The following IQCN variants were observed in gnomAD, a reference collection of about 807,000 sequenced individuals.
IQCN encodes IQ motif containing N, also known as IQ domain-containing protein N.
IQCN carries 46 observed loss-of-function variants against 64.4 expected under a neutral mutation model. That is an observed-to-expected ratio of 0.71 (90% CI 0.56 to 0.91). The LOEUF is 0.91. Ranked by LOEUF, IQCN falls within the 40% of genes least tolerant of loss-of-function variation. The probability of loss-of-function intolerance (pLI) is 0.00; values close to 1 mark genes in which losing one functional copy is unlikely to be tolerated. For missense variants in IQCN, 1,753 were observed against 1,857.4 expected (o/e 0.94, Z 1.03); for synonymous variants, 733 against 775.6 (o/e 0.95, Z 0.91).
At position 18,266,815 on chromosome 19, in the gene IQCN, G is replaced by C. The variant is rs138854310; in HGVS notation, c.725C>G (p.Thr242Arg). The C allele has an allele frequency of 4.3e-6, 7 of 1,614,048 alleles. No homozygotes were observed. The South Asian group carries it at 6.6e-5, about 15-fold the overall frequency. Reference protein sequence around the residue: ...VRGLAFLPHQTVTIRFPCPVS... With the variant: ...VRGLAFLPHQRVTIRFPCPVS... ...TGGGCAGGGAAATCTGATGGTGACC[G>C]TCTGGTGTGGCAGGAAGGCCAGCCC... is the stretch of plus-strand genomic sequence containing the variant. The change falls in exon 3 of 4, where the codon ACG becomes AGG. Residue 242 changes from threonine to arginine, a missense_variant. Physicochemically the swap from Thr to Arg is moderately conservative, Grantham distance 71. Transcript: ENST00000392413. The surrounding 1 kb of genome is among the most constrained non-coding windows in gnomAD (Gnocchi z 4.3).
chr19:18,267,718 C>T (rs550966978), intron 2 of IQCN, 192 bp from the exon 3 acceptor site: 11 of 533,652 alleles, frequency 2.1e-5, no homozygotes, highest in Admixed American at 1.5e-4. Flanking sequence ...CATCACCCTA[C>T]GGCCACTTCA....
chr19:18,263,775 T>C (rs1300676495), intron 3 of IQCN, among the ~76,000 whole-genome samples: 1 of 152,020 alleles, frequency 6.6e-6, no homozygotes, highest in Non-Finnish European at 1.5e-5. Flanking sequence ...ACAGGTGAGG[T>C]AAGGCTGGTG....
At position 18,267,392 on chromosome 19, in the gene IQCN, C is replaced by T. The variant is rs1290889527; in HGVS notation, c.148G>A (p.Ala50Thr). 1.2e-6 allele frequency: 2 copies of T among 1,601,332 alleles called. No individual in the cohort carries two copies. Among genetic ancestry groups the T allele is most frequent in the Admixed American group, 3.4e-5 (2 of 57,996 alleles). ...CCCTCGTGCTGGGGCTGTGGAGGCG[C>T]TTTCTCCATTTTGTCCAGGAGACTG... ...HPSLLDKMEK[A>T]PPQPQHEGLK... Residue 50 changes from alanine (A) to threonine (T), a missense_variant, in exon 3 of 4, where the codon GCG becomes ACG. Physicochemically the swap from Ala to Thr is moderately conservative, Grantham distance 58. Transcript: ENST00000392413.
chr19:18,258,347 G>A (rs1010047537), intron 3 of IQCN: 15 of 694,476 alleles, frequency 2.2e-5, no homozygotes, highest in Middle Eastern at 2.3e-4. Flanking sequence ...GCCTGTGGGT[G>A]GGGTTTGCAC....
Position 18,257,675 on chromosome 19 carries a change from G to C in IQCN, c.3609C>G (p.Asp1203Glu). The change falls in exon 4 of 4, where the codon GAC (aspartate) becomes GAG (glutamate). Residue 1203 changes from aspartate (D) to glutamate (E), a missense_variant. Transcript: ENST00000392413. The part of the protein sequence containing the change: ...ELGSRAGVMS[D>E]RSWFQDGRAR... ...CTCTGCCATCCTGGAACCAGCTTCG[G>C]TCAGACATGACCCCGGCCCGGCTGC... 2 of 1,607,548 alleles carry C rather than the reference G, an allele frequency of 1.2e-6. No individual in the cohort carries two copies. Among genetic ancestry groups the C allele is most frequent in the Non-Finnish European group, 1.7e-6 (2 of 1,176,346 alleles).
chr19:18,262,979 T>C (rs1198641466), intron 3 of IQCN, among the ~76,000 whole-genome samples: 1 of 152,194 alleles, frequency 6.6e-6, no homozygotes, highest in Non-Finnish European at 1.5e-5. Context: ...TCTCAGCCTC[T>C]GAGCCCCAGT....
In IQCN at chr19:18,265,938, C is replaced by T; in HGVS notation, c.1602G>A (p.Val534=). ...TGTTGGGAGTTCCGGCTGCTACCGC[C>T]ACTTGGGGTGGAGCCTTGACATTTG... ...TVANVKAPPQ[V]AVAAGTPNTS... is the part of the protein sequence containing the mutation. The change falls in exon 3 of 4, where the codon GTG becomes GTA. Residue 534 remains valine, a synonymous_variant. Coordinates refer to ENST00000392413, the MANE Select transcript of IQCN (RefSeq NM_001145304.2). This position sits in a 1 kb window ranked among gnomAD's most constrained non-coding sequence, Gnocchi z 4.7. The T allele has an allele frequency of 1.2e-6, 2 of 1,614,194 alleles. No homozygotes were observed. Among genetic ancestry groups the T allele is most frequent in the Non-Finnish European group, 1.7e-6 (2 of 1,180,046 alleles).
In IQCN at chr19:18,266,262, C is replaced by A; in HGVS notation, c.1278G>T (p.Lys426Asn). ...CCAGAAGGGAAACCTGAGGTCGGTT[C>A]TTTGCCGTGATGGTCGCAGGGCATG... ...RQTCPATITA[K>N]NRPQVSLLAS... is the part of the protein sequence containing the mutation. The change falls in exon 3 of 4, where the codon AAG becomes AAT. Residue 426 changes from lysine (K) to asparagine (N), a missense_variant. Physicochemically the swap from Lys to Asn is moderately conservative, Grantham distance 94 (BLOSUM62 0). Transcript: ENST00000392413. The surrounding 1 kb of genome is among the most constrained non-coding windows in gnomAD (Gnocchi z 4.3). The A allele has an allele frequency of 6.2e-7, 1 of 1,613,648 alleles. No individual in the cohort carries two copies. Among genetic ancestry groups the A allele is most frequent in the Non-Finnish European group, 8.5e-7 (1 of 1,179,780 alleles).
chr19:18,264,240 G>T lies in IQCN; in HGVS notation c.3177+123C>A, dbSNP rs1263277845. 1 of 856,960 alleles carries T rather than the reference G, an allele frequency of 1.2e-6. No individual in the cohort carries two copies. The highest frequency in any genetic ancestry group is 2.7e-5 in the East Asian group (1 of 37,204). 53.1% of individuals were successfully genotyped at this position (856,960 alleles called of 1,614,324 possible). ...GCTACCCATCACCGAGGCTCCCACA[G>T]TGACCACAGATAAGCAGGGTGACCC... On this transcript the variant is annotated intron_variant, in intron 3 of 3. Coordinates refer to ENST00000392413, the MANE Select transcript of IQCN (RefSeq NM_001145304.2). This position sits in a 1 kb window ranked among gnomAD's most constrained non-coding sequence, Gnocchi z 4.3.
rs761623082 is a variant in IQCN, at chr19:18,265,852, G to A, written c.1688C>T (p.Ala563Val). The A allele has an allele frequency of 3.7e-6, 6 of 1,614,080 alleles. No homozygotes were observed. In the African/African-American group the frequency reaches 5.3e-5, roughly 14 times the overall value. ...KAKATVNVKQ[A>V]AKVVKASSPS... ...GGATGAGGCTTTCACCACCTTTGCA[G>A]CCTGCTTCACATTCACGGTGGCCTT... The change falls in exon 3 of 4, where the codon GCT becomes GTT. Residue 563 changes from alanine to valine, a missense_variant. Coordinates refer to ENST00000392413, the MANE Select transcript of IQCN (RefSeq NM_001145304.2). This position sits in a 1 kb window ranked among gnomAD's most constrained non-coding sequence, Gnocchi z 4.7.
chr19:18,257,938 C>A lies in IQCN; in HGVS notation c.3346G>T (p.Ala1116Ser). ...ACGCCCGCCTGGATAGTGATCACTG[C>A]GAGGATGCGGATCTCCTCTGCAGCC... Reference protein sequence around the residue: ...MQAAEEIRILAVITIQAGVRG... With the variant: ...MQAAEEIRILSVITIQAGVRG... The change falls in exon 4 of 4, where the codon GCA becomes TCA. Residue 1116 changes from alanine to serine, a missense_variant. Coordinates refer to ENST00000392413, the MANE Select transcript of IQCN (RefSeq NM_001145304.2). The A allele has an allele frequency of 6.2e-7, 1 of 1,612,864 alleles. No homozygotes were observed. The highest frequency in any genetic ancestry group is 8.5e-7 in the Non-Finnish European group (1 of 1,179,942).
rs774906832 is a variant in IQCN, at chr19:18,265,716, A to G, written c.1824T>C (p.Thr608=). 1.5e-5 allele frequency: 25 copies of G among 1,614,158 alleles called. No homozygotes were observed. The highest frequency in any genetic ancestry group is 2.1e-5 in the Non-Finnish European group (25 of 1,180,020). ...CTGTTTTCGCCTGTTTCTGGGTGCC[A>G]GTCTTGATTTTCTCGGCTTCCAAAG... ...ELPLEAEKIK[T]GTQKQAKTDM... The change falls in exon 3 of 4, where the codon ACT becomes ACC. Residue 608 remains threonine (T), a synonymous_variant. Coordinates refer to ENST00000392413, the MANE Select transcript of IQCN (RefSeq NM_001145304.2). The surrounding 1 kb of genome is among the most constrained non-coding windows in gnomAD (Gnocchi z 4.7).
chr19:18,260,366 C>T (rs937704183), intron 3 of IQCN: 1 of 152,566 alleles, frequency 6.6e-6, no homozygotes, highest in East Asian at 1.9e-4. Flanking sequence ...CTGAAACAAA[C>T]GCTGATGGGT....
rs138028745 is a variant in IQCN at position 18,257,356 on chromosome 19, C to T, written c.3928G>A (p.Ala1310Thr). The change falls in exon 4 of 4, where the codon GCC becomes ACC. Residue 1310 changes from alanine (A) to threonine (T), a missense_variant. Physicochemically the swap from Ala to Thr is moderately conservative, Grantham distance 58. Transcript: ENST00000392413. ...TGGCGGATCTTAAAGCCCCTCCAGGCGGACTGGATGGCTGTGGCCGCTTTG... is the reference window on the plus strand; with the variant it reads ...TGGCGGATCTTAAAGCCCCTCCAGGTGGACTGGATGGCTGTGGCCGCTTTG... ...QDKAATAIQS[A>T]WRGFKIRQQM... The T allele has an allele frequency of 8.1e-6, 13 of 1,612,366 alleles. No individual in the cohort carries two copies. Among genetic ancestry groups the T allele is most frequent in the Middle Eastern group, 1.6e-4 (1 of 6,080 alleles).
intron 1 of IQCN, among the ~76,000 whole-genome samples, chr19:18,273,351 CTT>C (rs769233334): frequency 2.1e-5 from 3 of 146,140 alleles, no homozygotes; most frequent in Non-Finnish European, 3.0e-5. Flanking sequence ...TTATTATTCT[CTT>C]TGAGACGGAA....
At chr19:18,263,884 CAT>C (rs936424066) in intron 3 of IQCN, among the ~76,000 whole-genome samples, 76 of 152,324 alleles carry the variant, frequency 5.0e-4, no homozygotes, top group African/African-American at 1.8e-3. Context: ...CTGCTGACCA[CAT>C]GTGGCCTGTG....
intron 3 of IQCN, chr19:18,259,877 T>C (rs766137377): frequency 1.3e-5 from 2 of 152,316 alleles, no homozygotes; most frequent in African/African-American, 4.8e-5. Context: ...AAGGGCCACC[T>C]GCCTCTAAGA....
rs1969690346 is a variant in IQCN at position 18,269,566 on chromosome 19, T to G, written c.-88A>C. 3 of 1,390,950 alleles carry G rather than the reference T, an allele frequency of 2.2e-6. No individual in the cohort carries two copies. The African/African-American group carries it at 4.3e-5, about 20-fold the overall frequency. 86.2% of individuals were successfully genotyped at this position (1,390,950 alleles called of 1,614,324 possible). ...AGCCTTCAGCCTTTCATCCATGCAA[T>G]ATGCAGCAACACTGCCCTGGGCTGG... On this transcript the variant is annotated 5_prime_UTR_variant, in exon 2 of 4. Coordinates refer to ENST00000392413, the MANE Select transcript of IQCN (RefSeq NM_001145304.2).
At position 18,257,742 on chromosome 19, in the gene IQCN, C is replaced by A; in HGVS notation, c.3542G>T (p.Arg1181Leu). The change falls in exon 4 of 4, where the codon CGG becomes CTG. Residue 1181 changes from arginine (R) to leucine (L), a missense_variant. Coordinates refer to ENST00000392413, the MANE Select transcript of IQCN (RefSeq NM_001145304.2). ...GACGGGGTGGAGCATCTGCCAGTGC[C>A]GGGCTTGGTCCCGGCGGGTGCTGTA... ...RGYSTRRDQA[R>L]HWQMLHPVTW... 6.2e-7 allele frequency: 1 copy of A among 1,610,892 alleles called. No individual in the cohort carries two copies. Among genetic ancestry groups the A allele is most frequent in the South Asian group, 1.1e-5 (1 of 90,888 alleles).
Sources: allele counts gnomAD v4.1 joint callset (sites outside exome capture counted in the v4.1 genomes callset), GRCh38; gene constraint gnomAD v4.1.1; non-coding constraint Gnocchi (gnomAD v3.1); transcripts MANE v1.5; gene names NCBI Gene and HGNC (gene_info 2026-07-23, HGNC 2026-07-21).